The following PSME3IP1 variants were observed in gnomAD, a reference collection of about 807,000 sequenced individuals.
PSME3IP1 encodes proteasome activator subunit 3 interacting protein 1, also known as PSME3-interacting protein.
PSME3IP1 carries 13 observed loss-of-function variants against 34.1 expected under a neutral mutation model. That is an observed-to-expected ratio of 0.38 (90% CI 0.25 to 0.61). The LOEUF is 0.61. Ranked by LOEUF, PSME3IP1 falls within the 20% of genes least tolerant of loss-of-function variation. The pLI, the probability that PSME3IP1 is intolerant of heterozygous loss-of-function variation, is 0.60. For synonymous variants in PSME3IP1, 93 were observed against 114.3 expected, an observed-to-expected ratio of 0.81 and a Z score of 1.19; for missense variants, 237 against 301.4, an observed-to-expected ratio of 0.79 and a Z score of 1.58.
chr16:57,162,618 T>C (rs1175076870), intron 6 of PSME3IP1, among the ~76,000 whole-genome samples: 1 of 137,492 alleles, frequency 7.3e-6, no homozygotes, highest in Non-Finnish European at 1.5e-5. Context: ...TGAGCCAAGA[T>C]AACCCCACTA....
chr16:57,184,618 C>A (rs187851278), intron 1 of PSME3IP1, among the ~76,000 whole-genome samples: 4 of 152,308 alleles, frequency 2.6e-5, no homozygotes, highest in African/African-American at 9.6e-5. Context: ...TATGACTGAC[C>A]CTGTACGTAC....
Position 57,172,764 on chromosome 16 carries a change from T to C in PSME3IP1, c.226+12A>G, listed in dbSNP as rs1390521749. 6.3e-7 allele frequency: 1 copy of C among 1,598,806 alleles called. No homozygotes were observed. The highest frequency in any genetic ancestry group is 8.6e-7 in the Non-Finnish European group (1 of 1,166,308). ...ACAGAGCCCCTTGAACTCTCTGTTT[T>C]CTGAAGCTTACTGAATTTGAACTGT... On this transcript the variant is annotated intron_variant, in intron 3 of 6. Coordinates refer to ENST00000309137, the MANE Select transcript of PSME3IP1 (RefSeq NM_024946.4).
chr16:57,159,696 G>A (rs1250291515), intron 6 of PSME3IP1, among the ~76,000 whole-genome samples: 2 of 152,132 alleles, frequency 1.3e-5, no homozygotes, highest in Admixed American at 6.5e-5. Flanking sequence ...TAGGAAGAAG[G>A]GATTTAGAAT....
At chr16:57,158,763 G>A (rs1344460670) in intron 6 of PSME3IP1, among the ~76,000 whole-genome samples, 2 of 152,150 alleles carry the variant, frequency 1.3e-5, no homozygotes, top group Admixed American at 6.5e-5. Context: ...CAATTCCATT[G>A]TTGTGAACAT....
chr16:57,162,631 C>T (rs2071389063), intron 6 of PSME3IP1, among the ~76,000 whole-genome samples: 2 of 147,806 alleles, frequency 1.4e-5, no homozygotes, highest in South Asian at 2.1e-4. Flanking sequence ...CCCCACTACA[C>T]TCTATCTTGG....
At chr16:57,178,174 T>C (rs192689155) in intron 1 of PSME3IP1, among the ~76,000 whole-genome samples, 176 of 152,224 alleles carry the variant, frequency 1.2e-3, no homozygotes, top group Non-Finnish European at 2.2e-3. Flanking sequence ...CATTTTCTTC[T>C]GTAGGTCTTC....
intron 3 of PSME3IP1, 131 bp from the exon 4 acceptor site, chr16:57,172,503 G>T: frequency 1.0e-6 from 1 of 985,626 alleles, no homozygotes; most frequent in Non-Finnish European, 1.5e-6. Context: ...ATACCATGGC[G>T]TTTGAATAGA....
At chr16:57,179,810 G>A (rs530602903) in intron 1 of PSME3IP1, among the ~76,000 whole-genome samples, 1 of 152,282 alleles carries the variant, frequency 6.6e-6, no homozygotes, top group Admixed American at 6.5e-5. Flanking sequence ...AGTAAATATA[G>A]ATTATTGCTT....
chr16:57,173,657 G>A (rs1358741400), intron 2 of PSME3IP1, 71 bp downstream of exon 2: 11 of 1,547,642 alleles, frequency 7.1e-6, no homozygotes, highest in African/African-American at 1.4e-5. Context: ...AACCAAGTGA[G>A]GACAATTAAT....
upstream of PSME3IP1, chr16:57,186,045 C>G (rs2074153629): frequency 1.0e-6 from 1 of 985,382 alleles, no homozygotes; most frequent in African/African-American, 1.7e-5. Flanking sequence ...ACAATAGAGT[C>G]CCGCCCCACT....
At chr16:57,160,841 C>T (rs2071147027) in intron 6 of PSME3IP1, among the ~76,000 whole-genome samples, 1 of 152,016 alleles carries the variant, frequency 6.6e-6, no homozygotes, top group Admixed American at 6.6e-5. Flanking sequence ...GTATTCTTGC[C>T]GAAAAAACCA....
At chr16:57,167,657 T>C (rs1206652074) in intron 4 of PSME3IP1, among the ~76,000 whole-genome samples, 5 of 152,324 alleles carry the variant, frequency 3.3e-5, no homozygotes, top group African/African-American at 1.2e-4. Flanking sequence ...TGGCAATTAA[T>C]CTTAGACATC....
At chr16:57,155,815 C>A (rs1449199915) in intron 6 of PSME3IP1, among the ~76,000 whole-genome samples, 2 of 150,044 alleles carry the variant, frequency 1.3e-5, no homozygotes, top group African/African-American at 4.9e-5. Flanking sequence ...CAAAAAAAAA[C>A]AAAAAAACTA....
chr16:57,185,973 AG>A lies in PSME3IP1; in HGVS notation c.-169del, dbSNP rs1368128631. The A allele has an allele frequency of 5.0e-5, 49 of 985,070 alleles. No homozygotes were observed. The African/African-American group carries it at 7.7e-4, about 15-fold the overall frequency. 61.0% of individuals were successfully genotyped at this position (985,070 alleles called of 1,614,324 possible). The stretch of plus-strand genomic sequence containing the variant: ...ATGAATGAAAGAAAGAAAAAAAAAA[AG>A]AAAATAGCCTTTGCTTTTGTATTTC... On this transcript the variant is annotated 5_prime_UTR_variant, in exon 1 of 7. Transcript: ENST00000309137.
intron 1 of PSME3IP1, among the ~76,000 whole-genome samples, chr16:57,180,499 A>T (rs944224157): frequency 6.6e-6 from 1 of 152,128 alleles, no homozygotes; most frequent in African/African-American, 2.4e-5. Context: ...CTGAGGCAGG[A>T]GAATCGCTTG....
intron 1 of PSME3IP1, among the ~76,000 whole-genome samples, chr16:57,184,261 C>T (rs544362433): frequency 6.7e-6 from 1 of 148,710 alleles, no homozygotes; most frequent in South Asian, 2.1e-4. Context: ...AAAAGAGAAA[C>T]AATGGGAAGA....
At position 57,154,662 on chromosome 16, in the gene PSME3IP1, G is replaced by C. The variant is rs1258074417; in HGVS notation, c.548-155C>G. On this transcript the variant is annotated intron_variant, in intron 6 of 6. Transcript: ENST00000309137. The surrounding 1 kb of genome is among the most constrained non-coding windows in gnomAD (Gnocchi z 4.0). ...ATACTATCATCACCCTCGTTTTAGA[G>C]ATGGGGAAACTGAAGGAGGAAGGGA... is the stretch of plus-strand genomic sequence containing the variant. Among the ~76,000 whole-genome samples, 1 of 152,220 alleles carries C rather than the reference G, an allele frequency of 6.6e-6. No individual in the cohort carries two copies. The highest frequency in any genetic ancestry group is 1.5e-5 in the Non-Finnish European group (1 of 68,042).
At position 57,154,326 on chromosome 16, in the gene PSME3IP1, G is replaced by A. The variant is rs773089718; in HGVS notation, c.729C>T (p.Ser243=). The part of the protein sequence containing the change: ...TINATGKIVS[S]IFRTNTFLEA... The stretch of plus-strand genomic sequence containing the variant: ...CGAGGAAGGTGTTGGTTCGGAAGAT[G>A]GAGGAGACAATCTTTCCGGTGGCAT... The change falls in exon 7 of 7, where the codon TCC becomes TCT. Residue 243 remains serine, a synonymous_variant. Coordinates refer to ENST00000309137, the MANE Select transcript of PSME3IP1 (RefSeq NM_024946.4). This position sits in a 1 kb window ranked among gnomAD's most constrained non-coding sequence, Gnocchi z 4.0. The A allele has an allele frequency of 1.2e-6, 2 of 1,613,990 alleles. No homozygotes were observed. Among genetic ancestry groups the A allele is most frequent in the Admixed American group, 1.7e-5 (1 of 60,006 alleles).
In PSME3IP1 at chr16:57,153,651, T is replaced by C. The variant is rs371504103; in HGVS notation, c.*639A>G. 2.0e-5 allele frequency: 3 copies of C among 152,182 alleles called. No individual in the cohort carries two copies. The highest frequency in any genetic ancestry group is 7.2e-5 in the African/African-American group (3 of 41,516). The allele number at this position is 152,182 out of a possible 1,614,324, so 9.4% of individuals were successfully genotyped here. On this transcript the variant is annotated 3_prime_UTR_variant, in exon 7 of 7. Transcript: ENST00000309137. Reference sequence around the variant, plus strand: ...GCAGTCCCTTCCTGCATAAATGGGGTTGGAGAGAGAGGAGAGAGGGAATGG... The same window carrying C: ...GCAGTCCCTTCCTGCATAAATGGGGCTGGAGAGAGAGGAGAGAGGGAATGG...
Sources: allele counts gnomAD v4.1 joint callset (sites outside exome capture counted in the v4.1 genomes callset), GRCh38; gene constraint gnomAD v4.1.1; non-coding constraint Gnocchi (gnomAD v3.1); transcripts MANE v1.5; gene names NCBI Gene and HGNC (gene_info 2026-07-23, HGNC 2026-07-21).